DNAH5: variants seen among roughly 807,000 people sequenced by gnomAD.
DNAH5 encodes the protein axonemal beta dynein heavy chain 5.
DNAH5 carries 372 observed loss-of-function variants against 518.2 expected under a neutral mutation model. The ratio of observed to expected loss-of-function variants is 0.72; its 90% CI spans 0.66 to 0.78. The LOEUF (loss-of-function observed/expected upper bound fraction) is 0.78, where lower values mean the gene tolerates loss of function less well. DNAH5 is among the 30% of genes least tolerant of loss of function. DNAH5 has a pLI of 0.00. For missense variants in DNAH5, 5,523 were observed against 5,687.0 expected (o/e 0.97, Z 0.93); for synonymous variants, 2,039 against 2,025.9 (o/e 1.01, Z -0.17).
At chr5:13,926,752 A>G (rs933737980) in intron 3 of DNAH5, among the ~76,000 whole-genome samples, 1 of 152,228 alleles carries the variant, frequency 6.6e-6, no homozygotes, top group Non-Finnish European at 1.5e-5. Flanking sequence ...TTTACATCCT[A>G]CGAACACTTC....
chr5:13,983,775 T>C (rs1782846629), intron 1 of DNAH5, among the ~76,000 whole-genome samples: 1 of 152,204 alleles, frequency 6.6e-6, no homozygotes, highest in Non-Finnish European at 1.5e-5. Context: ...AAATGGCATC[T>C]ACAAGGCAAT....
intron 66 of DNAH5, 45 bp downstream of exon 66, chr5:13,737,207 T>A: frequency 1.2e-6 from 2 of 1,612,470 alleles, no homozygotes; most frequent in Non-Finnish European, 1.7e-6. Flanking sequence ...CATTCCTCTC[T>A]CATTTCATTT....
At chr5:13,843,397 C>A (rs1765544479) in intron 32 of DNAH5, among the ~76,000 whole-genome samples, 1 of 152,140 alleles carries the variant, frequency 6.6e-6, no homozygotes, top group Non-Finnish European at 1.5e-5. Flanking sequence ...CCTTTGGAAT[C>A]CTGCCCATCC....
In DNAH5 at chr5:13,883,172, TA is replaced by T; in HGVS notation, c.2984-79del. On this transcript the variant is annotated intron_variant, in intron 19 of 78. Coordinates refer to ENST00000265104, the MANE Select transcript of DNAH5 (RefSeq NM_001369.3). ...TTGCTTCCTTTGTAACCATAAAAAT[TA>T]AAACAATACATAATAGGTATAAAAT... The T allele has an allele frequency of 3.5e-6, 5 of 1,424,902 alleles. No homozygotes were observed. The South Asian group carries it at 5.9e-5, about 17-fold the overall frequency. The allele number at this position is 1,424,902 out of a possible 1,614,324, so 88.3% of individuals were successfully genotyped here. A position where few individuals can be genotyped will look rare whatever the true frequency, so the allele number is the denominator to read the frequency against.
At chr5:13,724,878 C>A (rs549148904) in intron 70 of DNAH5, among the ~76,000 whole-genome samples, 2 of 152,328 alleles carry the variant, frequency 1.3e-5, no homozygotes, top group African/African-American at 4.8e-5. Flanking sequence ...CAGATGCCAG[C>A]CCCATGCTTC....
chr5:13,829,940 G>T (rs1448712161), intron 37 of DNAH5, 86 bp downstream of exon 37: 2 of 1,159,204 alleles, frequency 1.7e-6, no homozygotes, highest in South Asian at 1.3e-5. Flanking sequence ...TTCCATTCAG[G>T]AAAACAGATG....
At chr5:13,714,288 A>AAAGCT in intron 75 of DNAH5, 117 bp downstream of exon 75, 1 of 1,149,898 alleles carries the variant, frequency 8.7e-7, no homozygotes, top group Non-Finnish European at 1.3e-6. Flanking sequence ...CTGGTTTTTA[A>AAAGCT]AAGAATGTTT....
intron 53 of DNAH5, among the ~76,000 whole-genome samples, chr5:13,779,226 C>T (rs1300673841): frequency 1.3e-5 from 2 of 152,178 alleles, no homozygotes; most frequent in African/African-American, 4.8e-5. Flanking sequence ...TTTTATGTAG[C>T]TTGATTTCTA....
intron 51 of DNAH5, 126 bp downstream of exon 51, chr5:13,788,590 C>A: frequency 1.3e-6 from 1 of 794,292 alleles, no homozygotes; most frequent in Non-Finnish European, 2.2e-6. Context: ...TCTACTGTGT[C>A]TCAGGCTTGT....
chr5:13,958,429 T>C (rs1451043314), intron 1 of DNAH5, among the ~76,000 whole-genome samples: 1 of 152,196 alleles, frequency 6.6e-6, no homozygotes, highest in Non-Finnish European at 1.5e-5. Context: ...GTTTTTATTT[T>C]TGTAAATTGC....
chr5:13,957,459 T>G (rs968732655), intron 1 of DNAH5, among the ~76,000 whole-genome samples: 2 of 152,194 alleles, frequency 1.3e-5, no homozygotes, highest in Non-Finnish European at 2.9e-5. Flanking sequence ...CTTCTCTTTT[T>G]CAATTCTAAC....
At chr5:14,001,301 GAA>G (rs1201816943) in intron 1 of DNAH5, among the ~76,000 whole-genome samples, 3 of 151,958 alleles carry the variant, frequency 2.0e-5, no homozygotes, top group African/African-American at 7.2e-5. Context: ...ATAAAAGTTG[GAA>G]AAAAAGAAAA....
In DNAH5 at chr5:13,754,317, G is replaced by A. The variant is rs886039500; in HGVS notation, c.10441C>T (p.Arg3481Ter). ...EKQTLLEDAERCRHKMQTAST... is the reference protein window; with the variant it reads ...EKQTLLEDAE ...GCTGTCTGCATCTTGTGTCTGCATC[G>A]CTCTGCATCTTCAAGCAAGGTCTAA... Residue 3481 changes from arginine to a stop codon, truncating the protein, a stop_gained, in exon 62 of 79, where the codon CGA becomes TGA. Transcript: ENST00000265104. LOFTEE classifies it high-confidence loss of function. 10 of 1,613,882 alleles carry A rather than the reference G, an allele frequency of 6.2e-6. No homozygotes were observed. The highest frequency in any genetic ancestry group is 1.7e-5 in the Admixed American group (1 of 59,978).
intron 42 of DNAH5, among the ~76,000 whole-genome samples, chr5:13,815,659 C>T (rs1162732459): frequency 6.6e-6 from 1 of 152,046 alleles, no homozygotes; most frequent in Non-Finnish European, 1.5e-5. Flanking sequence ...GTTCCAGGAA[C>T]AGTAAGAAGT....
In DNAH5 at chr5:13,781,240, C is replaced by A. The variant is rs143683078; in HGVS notation, c.8821-281G>T. Among the ~76,000 whole-genome samples, 231 of 152,130 alleles carry A rather than the reference C, an allele frequency of 1.5e-3. 5 individuals are homozygous for A. In the East Asian group the frequency reaches 0.04, roughly 27 times the overall value. ...ACAGCCGAGACCGTGCTTGCTCTGGCTTTTAAAGGAGATATCTATCTAAAG... is the reference window on the plus strand; with the variant it reads ...ACAGCCGAGACCGTGCTTGCTCTGGATTTTAAAGGAGATATCTATCTAAAG... On this transcript the variant is annotated intron_variant, in intron 52 of 78. Transcript: ENST00000265104.
At chr5:13,928,911 A>T (rs1778144796) in intron 2 of DNAH5, among the ~76,000 whole-genome samples, 2 of 152,208 alleles carry the variant, frequency 1.3e-5, no homozygotes. Flanking sequence ...TAAATGGTGG[A>T]GCCGTTGTGG....
chr5:13,757,049 T>C (rs986913843), intron 61 of DNAH5, among the ~76,000 whole-genome samples: 3 of 152,234 alleles, frequency 2.0e-5, no homozygotes, highest in Non-Finnish European at 2.9e-5. Context: ...TTCTTTTTTA[T>C]AGCTGCGTGG....
intron 39 of DNAH5, 25 bp downstream of exon 39, chr5:13,824,174 G>A (rs1762593372): frequency 1.2e-6 from 2 of 1,612,398 alleles, no homozygotes. Flanking sequence ...CAAGTAGGTG[G>A]AACACTTCCA....
At position 13,768,596 on chromosome 5, in the gene DNAH5, G is replaced by T. The variant is rs188963228; in HGVS notation, c.9897+364C>A. ...TAGACAGAAAACGTCGTATCTTACA[G>T]ATCACCTACTCCATTGGCCTCAATG... On this transcript the variant is annotated intron_variant, in intron 58 of 78. Coordinates refer to ENST00000265104, the MANE Select transcript of DNAH5 (RefSeq NM_001369.3). Among the ~76,000 whole-genome samples, 52 of 152,248 alleles carry T rather than the reference G, an allele frequency of 3.4e-4. No homozygotes were observed. In the East Asian group the frequency reaches 7.3e-3, roughly 21 times the overall value.
Sources: allele counts gnomAD v4.1 joint callset (sites outside exome capture counted in the v4.1 genomes callset), GRCh38; gene constraint gnomAD v4.1.1; transcripts MANE v1.5; gene names NCBI Gene and HGNC (gene_info 2026-07-23, HGNC 2026-07-21).